The following GDI2 variants were observed in gnomAD, a reference collection of about 807,000 sequenced individuals.
GDI2 encodes the protein GDP dissociation inhibitor 2.
GDI2 carries 22 observed loss-of-function variants against 54.2 expected under a neutral mutation model. The ratio of observed to expected loss-of-function variants is 0.41; its 90% CI spans 0.29 to 0.58. The LOEUF (loss-of-function observed/expected upper bound fraction) is 0.58. GDI2 is among the 20% of genes least tolerant of loss of function. The pLI is 0.35. For synonymous variants in GDI2, 177 were observed against 182.1 expected (o/e 0.97, Z 0.23); for missense variants, 422 against 546.0 (o/e 0.77, Z 2.26).
Position 5,765,933 on chromosome 10 carries a change from A to T in GDI2, c.*73T>A. 1 of 1,089,736 alleles carries T rather than the reference A, an allele frequency of 9.2e-7. No homozygotes were observed. Among genetic ancestry groups the T allele is most frequent in the Non-Finnish European group, 1.3e-6 (1 of 753,110 alleles). 67.5% of individuals were successfully genotyped at this position (1,089,736 alleles called of 1,614,324 possible). On this transcript the variant is annotated 3_prime_UTR_variant, in exon 11 of 11. Coordinates refer to ENST00000380191, the MANE Select transcript of GDI2 (RefSeq NM_001494.4). ...TTTCATTACAAAAGCAGGCCTTACA[A>T]TATTGATTTCATTATATGCATTATT...
At chr10:5,775,053 C>T (rs1298781746) in intron 6 of GDI2, among the ~76,000 whole-genome samples, 1 of 152,174 alleles carries the variant, frequency 6.6e-6, no homozygotes, top group Non-Finnish European at 1.5e-5. Flanking sequence ...TTTGGGAAGC[C>T]GAGGCCAGCA....
In GDI2 at chr10:5,813,375, G is replaced by GA; in HGVS notation, c.-118dup. 1 of 659,128 alleles carries GA rather than the reference G, an allele frequency of 1.5e-6. No homozygotes were observed. Among genetic ancestry groups the GA allele is most frequent in the Non-Finnish European group, 2.5e-6 (1 of 398,506 alleles). The allele number at this position is 659,128 out of a possible 1,614,324, so 40.8% of individuals were successfully genotyped here. A position where few individuals can be genotyped will look rare whatever the true frequency, so the allele number is the denominator to read the frequency against. On this transcript the variant is annotated 5_prime_UTR_variant, in exon 1 of 11. Coordinates refer to ENST00000380191, the MANE Select transcript of GDI2 (RefSeq NM_001494.4). ...GAAGGAAAGGGGAAGAGAAAGAGAG[G>GA]AAAATGGAGCTGGCGACAAGGCGAG... is the stretch of plus-strand genomic sequence containing the variant.
Position 5,776,684 on chromosome 10 carries a change from T to C in GDI2, c.720-2743A>G, listed in dbSNP as rs148861149. 1,353 of 1,465,980 alleles carry C rather than the reference T, an allele frequency of 9.2e-4. 23 individuals are homozygous for C. In the East Asian group the frequency reaches 0.021, roughly 22 times the overall value. 90.8% of individuals were successfully genotyped at this position (1,465,980 alleles called of 1,614,324 possible). ...TGATTTTGTAGAAAAGTCAGAGTTA[T>C]GGAGCTTGCCGCCACATTCAGAAAC... On this transcript the variant is annotated intron_variant, in intron 6 of 10. Coordinates refer to ENST00000380191, the MANE Select transcript of GDI2 (RefSeq NM_001494.4). This position sits in a 1 kb window ranked among gnomAD's most constrained non-coding sequence, Gnocchi z 5.3.
At chr10:5,785,377 T>TC in intron 5 of GDI2, 104 bp from the exon 6 acceptor site, 1 of 849,954 alleles carries the variant, frequency 1.2e-6, no homozygotes, top group Non-Finnish European at 1.8e-6. Flanking sequence ...TCTTCTTTTT[T>TC]GTTTTTTTGT....
chr10:5,801,473 G>C (rs1234243293), intron 1 of GDI2, among the ~76,000 whole-genome samples: 1 of 151,852 alleles, frequency 6.6e-6, no homozygotes, highest in Non-Finnish European at 1.5e-5. Flanking sequence ...GGTCAGAAGA[G>C]CAAGACCAGC....
intron 6 of GDI2, among the ~76,000 whole-genome samples, chr10:5,777,714 G>A (rs1410463018): frequency 6.6e-6 from 1 of 152,170 alleles, no homozygotes; most frequent in Non-Finnish European, 1.5e-5. Flanking sequence ...AACCACTGTG[G>A]AAGACAGTGT....
chr10:5,773,040 C>T (rs866465439), intron 7 of GDI2, among the ~76,000 whole-genome samples: 6 of 152,186 alleles, frequency 3.9e-5, no homozygotes, highest in East Asian at 1.9e-4. Flanking sequence ...TATTATCAGG[C>T]GTTTTTTGCC....
chr10:5,798,720 G>T (rs1222467100), intron 2 of GDI2, among the ~76,000 whole-genome samples: 2 of 151,990 alleles, frequency 1.3e-5, no homozygotes, highest in Non-Finnish European at 2.9e-5. Flanking sequence ...GCTCACACCT[G>T]TAACCGCAGC....
At chr10:5,784,206 TATTCA>T (rs1413532374) in intron 6 of GDI2, among the ~76,000 whole-genome samples, 1 of 152,234 alleles carries the variant, frequency 6.6e-6, no homozygotes, top group African/African-American at 2.4e-5. Flanking sequence ...TTCTTCTACT[TATTCA>T]ATTCTATTGC....
At chr10:5,775,335 A>C (rs958030891) in intron 6 of GDI2, among the ~76,000 whole-genome samples, 1 of 152,188 alleles carries the variant, frequency 6.6e-6, no homozygotes, top group Non-Finnish European at 1.5e-5. Flanking sequence ...CTGGAGAATG[A>C]CTTAAAGCAG....
Position 5,813,393 on chromosome 10 carries a change from A to AT in GDI2, c.-136_-135insA. 1.7e-6 allele frequency: 1 copy of AT among 583,146 alleles called. No homozygotes were observed. The highest frequency in any genetic ancestry group is 3.0e-6 in the Non-Finnish European group (1 of 336,076). 36.1% of individuals were successfully genotyped at this position (583,146 alleles called of 1,614,324 possible). ...AAGAGAGGAAAATGGAGCTGGCGAC[A>AT]AGGCGAGACCGACCGCCACCTCAGA... On this transcript the variant is annotated 5_prime_UTR_variant, in exon 1 of 11. The change creates a new upstream start codon in the 5' untranslated region. Transcript: ENST00000380191.
intron 1 of GDI2, among the ~76,000 whole-genome samples, chr10:5,801,993 G>A (rs1390467868): frequency 1.3e-5 from 2 of 152,144 alleles, no homozygotes; most frequent in African/African-American, 4.8e-5. Flanking sequence ...GGGTGACAGA[G>A]CAAGACTGAG....
chr10:5,779,210 TC>T (rs996820129), intron 6 of GDI2, among the ~76,000 whole-genome samples: 137 of 152,106 alleles, frequency 9.0e-4, no homozygotes, highest in African/African-American at 3.1e-3. Flanking sequence ...ATAGAGAATA[TC>T]ACAAAAATGA....
chr10:5,794,311 A>T (rs192633553), intron 4 of GDI2, among the ~76,000 whole-genome samples: 1 of 148,270 alleles, frequency 6.7e-6, no homozygotes, highest in Non-Finnish European at 1.5e-5. Flanking sequence ...CATCATCAGA[A>T]TGAGTACTTC....
chr10:5,768,473 T>C lies in GDI2; in HGVS notation c.820-89A>G, dbSNP rs1840410383. 6 of 829,024 alleles carry C rather than the reference T, an allele frequency of 7.2e-6. No individual in the cohort carries two copies. The highest frequency in any genetic ancestry group is 1.2e-5 in the Non-Finnish European group (6 of 519,050). 51.4% of individuals were successfully genotyped at this position (829,024 alleles called of 1,614,324 possible). On this transcript the variant is annotated intron_variant, in intron 7 of 10. Transcript: ENST00000380191. This position sits in a 1 kb window ranked among gnomAD's most constrained non-coding sequence, Gnocchi z 4.4. ...TCATAGTTTGGAAGACTTAGTATTGTTAAGATATCAAAAACCATCCTCAAG... is the reference window on the plus strand; with the variant it reads ...TCATAGTTTGGAAGACTTAGTATTGCTAAGATATCAAAAACCATCCTCAAG...
intron 1 of GDI2, among the ~76,000 whole-genome samples, chr10:5,803,536 T>C (rs575317904): frequency 6.6e-6 from 1 of 152,308 alleles, no homozygotes; most frequent in Non-Finnish European, 1.5e-5. Context: ...ATGATAAATA[T>C]CAATAGCTAC....
In GDI2 at chr10:5,772,170, T is replaced by C. The variant is rs147085045; in HGVS notation, c.819+1672A>G. On this transcript the variant is annotated intron_variant, in intron 7 of 10. Transcript: ENST00000380191. ...ACTGTCCCTGATGAAGATCTTCCAG[T>C]GGAACACGATGTGGAGATGGAAGAC... Among the ~76,000 whole-genome samples, 814 of 152,154 alleles carry C rather than the reference T, an allele frequency of 5.3e-3. 4 individuals carry two copies. In the Middle Eastern group the frequency reaches 0.058, roughly 11 times the overall value.
chr10:5,783,787 TAG>T (rs1217078143), intron 6 of GDI2, among the ~76,000 whole-genome samples: 2 of 152,362 alleles, frequency 1.3e-5, no homozygotes, highest in Middle Eastern at 3.4e-3. Flanking sequence ...TTCTAGCTTT[TAG>T]AGTTTCTGCT....
chr10:5,780,880 T>C (rs1431486867), intron 6 of GDI2, among the ~76,000 whole-genome samples: 1 of 152,180 alleles, frequency 6.6e-6, no homozygotes, highest in Non-Finnish European at 1.5e-5. Flanking sequence ...AACAAGCATG[T>C]TTTCTAGAAA....
Sources: gnomAD v4.1 joint callset for allele counts (sites outside exome capture counted in the v4.1 genomes callset) on GRCh38, gnomAD v4.1.1 for gene constraint, Gnocchi (gnomAD v3.1) non-coding constraint, MANE v1.5 for transcripts, NCBI Gene and HGNC (gene_info 2026-07-23, HGNC 2026-07-21) for gene names.